Variants in MILR1 observed in about 807,000 individuals in gnomAD.
The protein encoded by MILR1 is mast cell immunoglobulin like receptor 1.
Under a neutral mutation model 18.5 loss-of-function variants are expected in MILR1, and 31 were observed. That is an observed-to-expected ratio of 1.68 (90% confidence interval 1.26 to 2.26). The LOEUF is 2.26. Among genes scored for constraint, MILR1 ranks in the 30% most tolerant of loss-of-function variants. MILR1 has a pLI of 0.00. For missense variants in MILR1, 257 were observed against 157.4 expected (o/e 1.63, Z -3.38); for synonymous variants, 85 against 56.2 (o/e 1.51, Z -2.30).
chr17:64,451,942 A>AT (rs1240285450), intron 2 of MILR1, among the ~76,000 whole-genome samples: 1 of 152,058 alleles, frequency 6.6e-6, no homozygotes, highest in African/African-American at 2.4e-5. Flanking sequence ...AAAAAAAAAA[A>AT]AAAGTTGAGC....
At chr17:64,474,371 G>A in the MILR1 span, among the ~76,000 whole-genome samples, 9,821 of 151,284 alleles carry the variant, frequency 0.065, 437 homozygotes, top group Admixed American at 0.15. Context: ...CACCGTGCCC[G>A]GCCTTATTTT....
chr17:64,491,129 T>C, the MILR1 span, among the ~76,000 whole-genome samples: 2 of 152,348 alleles, frequency 1.3e-5, no homozygotes, highest in East Asian at 3.9e-4. Context: ...TATTCTAATT[T>C]ACATTTTTTT....
In MILR1 at chr17:64,467,571, G is replaced by A. The variant is rs2037602537; in HGVS notation, c.986G>A (p.Cys329Tyr). 1.3e-6 allele frequency: 2 copies of A among 1,531,008 alleles called. No homozygotes were observed. Among genetic ancestry groups the A allele is most frequent in the East Asian group, 4.6e-5 (2 of 43,772 alleles). The allele number at this position is 1,531,008 out of a possible 1,614,324, so 94.8% of individuals were successfully genotyped here. Residue 329 changes from cysteine to tyrosine, a missense_variant, in exon 9 of 10, where the codon TGT becomes TAT. Transcript: ENST00000619286. ...QEVAPREQEACDSYKSGYVYS... is the reference protein window; with the variant it reads ...QEVAPREQEAYDSYKSGYVYS... ...TTTCCCTTTTATATTTCAGAAGCCT[G>A]TGATTCTTATAAATCTGGATATGTC... is the stretch of plus-strand genomic sequence containing the variant.
rs534291728 is a variant in MILR1 at position 64,467,493 on chromosome 17, G to A, written c.980-72G>A. 12 of 924,156 alleles carry A rather than the reference G, an allele frequency of 1.3e-5. No individual in the cohort carries two copies. In the South Asian group the frequency reaches 1.7e-4, roughly 13 times the overall value. 57.2% of individuals were successfully genotyped at this position (924,156 alleles called of 1,614,324 possible). A position where few individuals can be genotyped will look rare whatever the true frequency, so the allele number is the denominator to read the frequency against. On this transcript the variant is annotated intron_variant, in intron 8 of 9. Transcript: ENST00000619286. Reference sequence around the variant, plus strand: ...GTTCTGTCAGGCCACCCAGCTACTAGAAATAGGATTTTTAAAAACAGCCTT... The same window carrying A: ...GTTCTGTCAGGCCACCCAGCTACTAAAAATAGGATTTTTAAAAACAGCCTT...
At chr17:64,471,572 G>GGGAA (rs2037687576), downstream of MILR1, among the ~76,000 whole-genome samples, 1 of 152,178 alleles carries the variant, frequency 6.6e-6, no homozygotes. Flanking sequence ...CTGGGTCAGA[G>GGGAA]GGAAGGCCCA....
intron 4 of MILR1, among the ~76,000 whole-genome samples, chr17:64,460,152 AGTAGCTG>A (rs1441984952): frequency 2.6e-5 from 4 of 151,770 alleles, no homozygotes; most frequent in Non-Finnish European, 5.9e-5. Flanking sequence ...CAGCCTCCCA[AGTAGCTG>A]GAAATACAGG....
chr17:64,489,216 T>A, the MILR1 span, among the ~76,000 whole-genome samples: 1 of 150,588 alleles, frequency 6.6e-6, no homozygotes, highest in East Asian at 1.9e-4. Flanking sequence ...ACCATCAAAA[T>A]AAATAATGAC....
At chr17:64,451,915 G>T (rs1352409468) in intron 2 of MILR1, among the ~76,000 whole-genome samples, 1 of 151,278 alleles carries the variant, frequency 6.6e-6, no homozygotes, top group East Asian at 1.9e-4. Flanking sequence ...CTGGGCAACA[G>T]AGTGAGACTC....
Position 64,466,499 on chromosome 17 carries a change from G to A in MILR1, c.910+1G>A, listed in dbSNP as rs2037564559. ...CCGTGTGTTTCCACAGCCCAAGATG[G>A]TGAGCATGTTCTGCAGAGTCTATTC... On this transcript the variant is annotated splice_donor_variant, in intron 7 of 9. Coordinates refer to ENST00000619286, the MANE Select transcript of MILR1 (RefSeq NM_001085423.2). LOFTEE classifies it high-confidence loss of function. 1 of 1,613,648 alleles carries A rather than the reference G, an allele frequency of 6.2e-7. No homozygotes were observed. Among genetic ancestry groups the A allele is most frequent in the Non-Finnish European group, 8.5e-7 (1 of 1,179,788 alleles).
chr17:64,459,292 G>T (rs1003210333), intron 4 of MILR1, among the ~76,000 whole-genome samples: 4 of 151,962 alleles, frequency 2.6e-5, no homozygotes, highest in Non-Finnish European at 1.5e-5. Flanking sequence ...AAATTAGCCG[G>T]GTGTGGTGGT....
At chr17:64,459,996 A>AT (rs1350667222) in intron 4 of MILR1, among the ~76,000 whole-genome samples, 80 of 38,568 alleles carry the variant, frequency 2.1e-3, no homozygotes, top group South Asian at 4.6e-3. Context: ...ATTTTATTTT[A>AT]TTTATTTATT....
chr17:64,466,301 A>T, intron 6 of MILR1, 141 bp from the exon 7 acceptor site: 1 of 714,758 alleles, frequency 1.4e-6, no homozygotes, highest in Non-Finnish European at 2.5e-6. Flanking sequence ...GGGTGAGGAC[A>T]CAGTCAAACC....
intron 6 of MILR1, among the ~76,000 whole-genome samples, chr17:64,466,122 A>G (rs538362806): frequency 6.6e-6 from 1 of 152,362 alleles, no homozygotes; most frequent in Admixed American, 6.5e-5. Context: ...GAGAAGAATG[A>G]GAGCCAAGGG....
At chr17:64,472,465 C>CAAAAAAAAAAAAAAAAA (rs71158332), downstream of MILR1, among the ~76,000 whole-genome samples, 16 of 13,920 alleles carry the variant, frequency 1.1e-3, 2 homozygotes, top group African/African-American at 1.8e-3. Flanking sequence ...GACTCCATCT[C>CAAAAAAAAAAAAAAAAA]AAAAAAAAAA....
the MILR1 span, chr17:64,477,966 A>G: frequency 1.9e-6 from 3 of 1,613,972 alleles, no homozygotes; most frequent in Middle Eastern, 1.7e-4. Context: ...AAAACTGTGA[A>G]GAGAATACTC....
the MILR1 span, chr17:64,497,080 G>C: frequency 1.3e-5 from 15 of 1,145,790 alleles, no homozygotes; most frequent in South Asian, 1.8e-4. Flanking sequence ...ACGGAGGTGA[G>C]CGTGCTTGCG....
chr17:64,484,102 C>T, the MILR1 span: 3 of 152,192 alleles, frequency 2.0e-5, no homozygotes, highest in South Asian at 2.1e-4. Context: ...TAAAAATCTC[C>T]GTCTCTCGTG....
At chr17:64,460,546 A>G (rs984785834) in intron 4 of MILR1, among the ~76,000 whole-genome samples, 1 of 152,022 alleles carries the variant, frequency 6.6e-6, no homozygotes, top group East Asian at 1.9e-4. Context: ...GGGCCTCACT[A>G]TGTTGCCCAG....
the MILR1 span, chr17:64,492,975 C>A: frequency 6.2e-7 from 1 of 1,613,918 alleles, no homozygotes; most frequent in Non-Finnish European, 8.5e-7. Flanking sequence ...CATAAGGTAG[C>A]CTCTTGTTTA....
Sources: gnomAD v4.1 joint callset for allele counts (sites outside exome capture counted in the v4.1 genomes callset) on GRCh38, gnomAD v4.1.1 for gene constraint, MANE v1.5 for transcripts, NCBI Gene and HGNC (gene_info 2026-07-23, HGNC 2026-07-21) for gene names.